NRXN1: variants seen among roughly 807,000 people sequenced by gnomAD.
The protein encoded by NRXN1 is neurexin 1.
A neutral mutation model predicts 150.9 loss-of-function variants in NRXN1; 39 were observed. That is an observed-to-expected ratio of 0.26 (90% CI 0.20 to 0.34). NRXN1 has a LOEUF of 0.34. NRXN1 is among the 10% of genes least tolerant of loss of function. The probability of loss-of-function intolerance (pLI) is 1.00; values close to 1 mark genes in which losing one functional copy is unlikely to be tolerated. For missense variants in NRXN1, 1,815 were observed against 1,949.9 expected, an observed-to-expected ratio of 0.93 and a Z score of 1.30; for synonymous variants, 924 against 757.0, an observed-to-expected ratio of 1.22 and a Z score of -3.62.
intron 18 of NRXN1, among the ~76,000 whole-genome samples, chr2:50,093,666 C>G (rs183243371): frequency 6.6e-6 from 1 of 152,152 alleles, no homozygotes; most frequent in African/African-American, 2.4e-5. Flanking sequence ...ATTACCCTAT[C>G]TACATGGACC....
chr2:50,411,664 C>T (rs570587877), intron 17 of NRXN1, among the ~76,000 whole-genome samples: 3 of 150,410 alleles, frequency 2.0e-5, no homozygotes, highest in East Asian at 4.1e-4. Context: ...TGAGGAGCCC[C>T]TCCGCCCGGC....
intron 5 of NRXN1, chr2:50,917,132 G>A (rs183021212): frequency 1.3e-5 from 2 of 151,738 alleles, no homozygotes; most frequent in African/African-American, 4.8e-5. Context: ...AGGTAACACA[G>A]TAGAAAATTT....
At chr2:50,640,885 G>A (rs924199617) in intron 5 of NRXN1, among the ~76,000 whole-genome samples, 2 of 152,068 alleles carry the variant, frequency 1.3e-5, no homozygotes, top group Non-Finnish European at 2.9e-5. Flanking sequence ...TTCAAAGAAG[G>A]CAACTGTCGA....
intron 2 of NRXN1, among the ~76,000 whole-genome samples, chr2:51,013,927 CT>C (rs2105216876): frequency 6.6e-6 from 1 of 152,146 alleles, no homozygotes; most frequent in Non-Finnish European, 1.5e-5. Flanking sequence ...ACTTTTCCTG[CT>C]TACAAATGCA....
rs1193512233 is a variant in NRXN1, at chr2:51,026,322, A to T, written c.772+1180T>A. 5.0e-6 allele frequency: 6 copies of T among 1,204,714 alleles called. No individual in the cohort carries two copies. The Admixed American group carries it at 1.2e-4, about 24-fold the overall frequency. The allele number at this position is 1,204,714 out of a possible 1,614,324, so 74.6% of individuals were successfully genotyped here. On this transcript the variant is annotated intron_variant, in intron 2 of 22. Transcript: ENST00000401669. ...CATAAGCTATCTACTTTAAATCCTGACATCTCCTACTTAGCCACTGATTCG... is the reference window on the plus strand; with the variant it reads ...CATAAGCTATCTACTTTAAATCCTGTCATCTCCTACTTAGCCACTGATTCG...
chr2:50,630,971 T>C, intron 5 of NRXN1: 5 of 364,830 alleles, frequency 1.4e-5, no homozygotes, highest in South Asian at 6.8e-5. Context: ...AAAAGGAATG[T>C]CTGCTTATTG....
intron 17 of NRXN1, among the ~76,000 whole-genome samples, chr2:50,323,780 C>T (rs1263419099): frequency 6.6e-6 from 1 of 152,104 alleles, no homozygotes; most frequent in Non-Finnish European, 1.5e-5. Flanking sequence ...CAAACATTTA[C>T]TGAATATATA....
At chr2:50,427,964 C>T (rs532625391) in intron 17 of NRXN1, among the ~76,000 whole-genome samples, 2 of 152,136 alleles carry the variant, frequency 1.3e-5, no homozygotes, top group South Asian at 2.1e-4. Context: ...TTTTTGTTGG[C>T]GAACAGAAGA....
At position 50,553,108 on chromosome 2, in the gene NRXN1, G is replaced by A. The variant is rs1667765948; in HGVS notation, c.1321-83C>T. The A allele has an allele frequency of 9.1e-6, 9 of 993,568 alleles. No individual in the cohort carries two copies. The Admixed American group carries it at 9.3e-5, about 10-fold the overall frequency. The allele number at this position is 993,568 out of a possible 1,614,324, so 61.5% of individuals were successfully genotyped here. ...GTGAACAGCTCATGTAACTTTCAAC[G>A]ACATCATAAAAAGGCACACGATATT... On this transcript the variant is annotated intron_variant, in intron 8 of 22. Coordinates refer to ENST00000401669, the MANE Select transcript of NRXN1 (RefSeq NM_001330078.2).
chr2:50,626,086 A>G (rs1266495349), intron 5 of NRXN1, among the ~76,000 whole-genome samples: 1 of 152,064 alleles, frequency 6.6e-6, no homozygotes, highest in East Asian at 1.9e-4. Context: ...GAAGAAAATC[A>G]TGTGATATAA....
At chr2:50,307,723 C>T (rs1331043107) in intron 17 of NRXN1, among the ~76,000 whole-genome samples, 2 of 152,092 alleles carry the variant, frequency 1.3e-5, no homozygotes, top group South Asian at 2.1e-4. Flanking sequence ...TCAACTGCCT[C>T]CATAATGACT....
chr2:50,246,496 C>T (rs2066518707), intron 17 of NRXN1, among the ~76,000 whole-genome samples: 1 of 152,062 alleles, frequency 6.6e-6, no homozygotes, highest in Non-Finnish European at 1.5e-5. Flanking sequence ...GTTAGTTCTA[C>T]TCATTTATCT....
At chr2:50,653,853 ATCT>A (rs1685991739) in intron 5 of NRXN1, among the ~76,000 whole-genome samples, 2 of 151,832 alleles carry the variant, frequency 1.3e-5, no homozygotes, top group South Asian at 2.1e-4. Flanking sequence ...AGCTGTGATC[ATCT>A]TCTCTGCCTG....
intron 21 of NRXN1, among the ~76,000 whole-genome samples, chr2:49,958,881 C>T (rs1449976484): frequency 2.0e-5 from 3 of 152,084 alleles, no homozygotes; most frequent in Non-Finnish European, 2.9e-5. Context: ...AGCTGGAAAT[C>T]CAGATAATCA....
At chr2:50,677,799 C>T (rs1269722713) in intron 5 of NRXN1, among the ~76,000 whole-genome samples, 1 of 151,950 alleles carries the variant, frequency 6.6e-6, no homozygotes, top group Non-Finnish European at 1.5e-5. Flanking sequence ...GCAGGTTTCC[C>T]ACCCCTCCAT....
chr2:50,204,626 C>A (rs147288914), intron 18 of NRXN1, among the ~76,000 whole-genome samples: 1 of 152,106 alleles, frequency 6.6e-6, no homozygotes, highest in African/African-American at 2.4e-5. Flanking sequence ...ATAAACTTTT[C>A]TGGATATGGC....
intron 5 of NRXN1, among the ~76,000 whole-genome samples, chr2:50,920,423 TAA>T (rs914487486): frequency 5.9e-5 from 9 of 151,758 alleles, no homozygotes; most frequent in Non-Finnish European, 1.0e-4. Context: ...AAAATTATTT[TAA>T]GAGTTACTTT....
rs928890719 is a variant in NRXN1 at position 50,240,460 on chromosome 2, C to A, written c.3365-3490G>T. On this transcript the variant is annotated intron_variant, in intron 17 of 22. Coordinates refer to ENST00000401669, the MANE Select transcript of NRXN1 (RefSeq NM_001330078.2). ...AAAATTAACTTTGCATCAAACTTTA[C>A]AAAATCTCCTATATTCTTAAAGCCC... Among the ~76,000 whole-genome samples, 8 of 151,664 alleles carry A rather than the reference C, an allele frequency of 5.3e-5. No homozygotes were observed. The Admixed American group carries it at 5.3e-4, about 10-fold the overall frequency.
chr2:50,902,607 T>G (rs776654843), intron 5 of NRXN1, among the ~76,000 whole-genome samples: 1 of 152,184 alleles, frequency 6.6e-6, no homozygotes, highest in South Asian at 2.1e-4. Context: ...TAAGATACCA[T>G]GTAACTTGGG....
Sources: allele counts gnomAD v4.1 joint callset (sites outside exome capture counted in the v4.1 genomes callset), GRCh38; gene constraint gnomAD v4.1.1; transcripts MANE v1.5; gene names NCBI Gene and HGNC (gene_info 2026-07-23, HGNC 2026-07-21).